Variants in STARD13 observed in about 807,000 individuals in gnomAD.
The protein encoded by STARD13 is StAR related lipid transfer domain containing 13.
In STARD13, 62 loss-of-function variants were observed where a neutral mutation model predicts 106.4. The ratio of observed to expected loss-of-function variants is 0.58; its 90% confidence interval spans 0.48 to 0.72. STARD13 has a LOEUF of 0.72. Ranked by LOEUF, STARD13 falls within the 30% of genes least tolerant of loss-of-function variation. The probability of loss-of-function intolerance (pLI) is 0.00; values close to 1 mark genes in which losing one functional copy is unlikely to be tolerated. For synonymous variants in STARD13, 565 were observed against 553.0 expected, an observed-to-expected ratio of 1.02 and a Z score of -0.31; for missense variants, 1,387 against 1,424.0, an observed-to-expected ratio of 0.97 and a Z score of 0.42.
At chr13:33,166,021 G>A (rs1393612304) in intron 2 of STARD13, among the ~76,000 whole-genome samples, 1 of 152,084 alleles carries the variant, frequency 6.6e-6, no homozygotes, top group Non-Finnish European at 1.5e-5. Context: ...GTGAATTCTG[G>A]GTACCTCGTT....
At chr13:33,353,804 C>A (rs1245301059), upstream of STARD13, among the ~76,000 whole-genome samples, 2 of 149,486 alleles carry the variant, frequency 1.3e-5, no homozygotes, top group Non-Finnish European at 3.0e-5. Context: ...TTCCTTATAG[C>A]GCTTCCACTT....
intron 8 of STARD13, among the ~76,000 whole-genome samples, chr13:33,116,267 A>C (rs1162443870): frequency 1.3e-5 from 2 of 152,164 alleles, no homozygotes; most frequent in African/African-American, 4.8e-5. Flanking sequence ...TGTGTTCCTC[A>C]CATATCTCAG....
At chr13:33,126,044 G>A in intron 7 of STARD13, 37 bp downstream of exon 7, 1 of 1,608,584 alleles carries the variant, frequency 6.2e-7, no homozygotes, top group Non-Finnish European at 8.5e-7. Context: ...CCATGGTTGG[G>A]GGTGGTGGGG....
chr13:33,155,873 G>A (rs1228164052), intron 3 of STARD13, among the ~76,000 whole-genome samples: 1 of 152,136 alleles, frequency 6.6e-6, no homozygotes, highest in Admixed American at 6.5e-5. Context: ...CTAGTGGAAA[G>A]GAATGGTTAC....
At chr13:33,403,036 G>C in the STARD13 span, among the ~76,000 whole-genome samples, 1,723 of 152,372 alleles carry the variant, frequency 0.011, 37 homozygotes, top group African/African-American at 0.039. Flanking sequence ...CATTGAGCTG[G>C]TTAACATTAA....
At chr13:33,599,216 C>G in the STARD13 span, among the ~76,000 whole-genome samples, 1 of 152,106 alleles carries the variant, frequency 6.6e-6, no homozygotes, top group Non-Finnish European at 1.5e-5. Context: ...ATCTTACATC[C>G]CAGCCTTAAA....
intron 1 of STARD13, among the ~76,000 whole-genome samples, chr13:33,317,209 A>G (rs1199942068): frequency 6.6e-6 from 1 of 151,280 alleles, no homozygotes; most frequent in Non-Finnish European, 1.5e-5. Context: ...TCTGAACTCC[A>G]GACTTGTATC....
At chr13:33,625,755 G>A in the STARD13 span, among the ~76,000 whole-genome samples, 1 of 151,392 alleles carries the variant, frequency 6.6e-6, no homozygotes, top group African/African-American at 2.4e-5. Context: ...AGGCTAGAAT[G>A]CGGTGGCACC....
chr13:33,632,841 G>A, the STARD13 span, among the ~76,000 whole-genome samples: 1 of 148,702 alleles, frequency 6.7e-6, no homozygotes, highest in Non-Finnish European at 1.5e-5. Flanking sequence ...TTCTATTTAA[G>A]AGGCAATAAG....
upstream of STARD13, among the ~76,000 whole-genome samples, chr13:33,350,950 A>G (rs1189009160): frequency 1.6e-4 from 1 of 6,240 alleles, no homozygotes; most frequent in Non-Finnish European, 6.7e-3. Flanking sequence ...CACAACTACA[A>G]CAACAACAAC....
chr13:33,105,532 T>C lies in STARD13; in HGVS notation c.*61A>G. On this transcript the variant is annotated 3_prime_UTR_variant, in exon 14 of 14. Transcript: ENST00000336934. ...CTCTCGCTTTCTCACATGCACACTC[T>C]CTGCCACACTCGTCACTTTAGCTTC... 2.5e-6 allele frequency: 3 copies of C among 1,189,518 alleles called. No homozygotes were observed. The highest frequency in any genetic ancestry group is 3.8e-6 in the Non-Finnish European group (3 of 793,060). The allele number at this position is 1,189,518 out of a possible 1,614,324, so 73.7% of individuals were successfully genotyped here. A position where few individuals can be genotyped will look rare whatever the true frequency, so the allele number is the denominator to read the frequency against.
the STARD13 span, among the ~76,000 whole-genome samples, chr13:33,554,560 A>G: frequency 6.6e-6 from 1 of 152,238 alleles, no homozygotes. Flanking sequence ...GTAAGTATCA[A>G]ATATCTGCTA....
chr13:33,538,777 T>A, the STARD13 span, among the ~76,000 whole-genome samples: 1 of 151,884 alleles, frequency 6.6e-6, no homozygotes, highest in East Asian at 1.9e-4. Context: ...TTTAATTTTT[T>A]TTTTTTTTTT....
At chr13:33,199,643 A>T (rs895332998) in intron 1 of STARD13, among the ~76,000 whole-genome samples, 1 of 152,350 alleles carries the variant, frequency 6.6e-6, no homozygotes, top group African/African-American at 2.4e-5. Flanking sequence ...CTAAAAATAA[A>T]CAGCTTTTAT....
chr13:33,542,457 C>T, the STARD13 span, among the ~76,000 whole-genome samples: 1 of 152,274 alleles, frequency 6.6e-6, no homozygotes, highest in African/African-American at 2.4e-5. Flanking sequence ...ATTACGCCAC[C>T]ATTTCCGCCT....
the STARD13 span, among the ~76,000 whole-genome samples, chr13:33,598,816 C>T: frequency 6.6e-6 from 1 of 152,208 alleles, no homozygotes. Flanking sequence ...TCTGGAGATG[C>T]CATGGGGCGG....
the STARD13 span, among the ~76,000 whole-genome samples, chr13:33,581,898 C>T: frequency 1.3e-5 from 2 of 152,244 alleles, no homozygotes; most frequent in African/African-American, 4.8e-5. Context: ...TGCACATTAT[C>T]ATGAAACAGC....
the STARD13 span, among the ~76,000 whole-genome samples, chr13:33,388,301 C>G: frequency 6.6e-6 from 1 of 152,164 alleles, no homozygotes; most frequent in Non-Finnish European, 1.5e-5. Context: ...AGGTTTAGAG[C>G]AAGTAGCCAG....
intron 1 of STARD13, among the ~76,000 whole-genome samples, chr13:33,169,168 T>C (rs1883664181): frequency 1.3e-5 from 2 of 152,228 alleles, no homozygotes; most frequent in Admixed American, 1.3e-4. Flanking sequence ...AGAAAAGCTA[T>C]TGAAAGCATT....
Sources: gnomAD v4.1 joint callset for allele counts (sites outside exome capture counted in the v4.1 genomes callset) on GRCh38, gnomAD v4.1.1 for gene constraint, MANE v1.5 for transcripts, NCBI Gene and HGNC (gene_info 2026-07-23, HGNC 2026-07-21) for gene names.